RPL3L: variants seen among roughly 807,000 people sequenced by gnomAD.
The protein encoded by RPL3L is ribosomal protein L3 like.
In RPL3L, 44 loss-of-function variants were observed where a neutral mutation model predicts 44.5. The observed-to-expected ratio is 0.99, with a 90% CI of 0.78 to 1.27. The LOEUF is 1.27. RPL3L is among the 50% of genes most tolerant of loss of function. The probability of loss-of-function intolerance (pLI) is 0.00; values close to 1 mark genes in which losing one functional copy is unlikely to be tolerated. For missense variants in RPL3L, 631 were observed against 569.1 expected (o/e 1.11, Z -1.11); for synonymous variants, 292 against 230.7 (o/e 1.27, Z -2.41).
rs1597023613 is a variant in RPL3L, at chr16:1,944,573, C to T, written c.*264G>A. On this transcript the variant is annotated 3_prime_UTR_variant, in exon 10 of 10. Transcript: ENST00000268661. ...AAAAAAAAAAAAAAAACCTCTGCTC[C>T]GCAAATGCTCAAAGAGATCGATTTG... The T allele has an allele frequency of 1.4e-5, 5 of 365,756 alleles. No individual in the cohort carries two copies. Among genetic ancestry groups the T allele is most frequent in the East Asian group, 4.3e-5 (1 of 23,382 alleles). The allele number at this position is 365,756 out of a possible 1,614,324, so 22.7% of individuals were successfully genotyped here.
intron 3 of RPL3L, among the ~76,000 whole-genome samples, 179 bp from the exon 4 acceptor site, chr16:1,951,158 C>G (rs73494196): frequency 1.4e-4 from 21 of 152,134 alleles, no homozygotes; most frequent in African/African-American, 4.6e-4. Context: ...TGTCTCTCCC[C>G]CTCTAGGCCC....
Position 1,944,609 on chromosome 16 carries a change from A to G in RPL3L, c.*228T>C. 1 of 521,172 alleles carries G rather than the reference A, an allele frequency of 1.9e-6. No homozygotes were observed. Among genetic ancestry groups the G allele is most frequent in the East Asian group, 3.0e-5 (1 of 33,634 alleles). The allele number at this position is 521,172 out of a possible 1,614,324, so 32.3% of individuals were successfully genotyped here. A position where few individuals can be genotyped will look rare whatever the true frequency, so the allele number is the denominator to read the frequency against. ...AAAGAGATCGATTTGAGTAATAATAAAACATAAAACTCCGGTCTCCCGCAC... is the reference window on the plus strand; with the variant it reads ...AAAGAGATCGATTTGAGTAATAATAGAACATAAAACTCCGGTCTCCCGCAC... On this transcript the variant is annotated 3_prime_UTR_variant, in exon 10 of 10. Transcript: ENST00000268661.
chr16:1,949,807 G>T (rs541912229), intron 4 of RPL3L, among the ~76,000 whole-genome samples: 2 of 41,986 alleles, frequency 4.8e-5, no homozygotes, highest in Non-Finnish European at 4.1e-5. Flanking sequence ...GGCAGGTATG[G>T]ACGGGGCAGG....
intron 4 of RPL3L, 33 bp from the exon 5 acceptor site, chr16:1,947,413 C>A: frequency 6.6e-7 from 1 of 1,504,026 alleles, no homozygotes; most frequent in South Asian, 1.3e-5. Flanking sequence ...ACGCCACGGC[C>A]CACGGGATCA....
Position 1,954,233 on chromosome 16 carries a change from T to C in RPL3L, c.4-85A>G, listed in dbSNP as rs574373878. The C allele has an allele frequency of 1.2e-3, 1,628 of 1,315,082 alleles. 17 individuals are homozygous for C. The highest frequency in any genetic ancestry group is 2.3e-4 in the Non-Finnish European group (230 of 985,152). The allele number at this position is 1,315,082 out of a possible 1,614,324, so 81.5% of individuals were successfully genotyped here. ...GTCCCAGAACCCATACCTGGAGAAA[T>C]GGACTACAGGCTTCAGACTGAGGCC... On this transcript the variant is annotated intron_variant, in intron 1 of 9. Transcript: ENST00000268661.
chr16:1,944,996 C>G lies in RPL3L; in HGVS notation c.1168-103G>C, dbSNP rs575874785. 2.0e-4 allele frequency: 289 copies of G among 1,419,610 alleles called. No individual in the cohort carries two copies. In the African/African-American group the frequency reaches 3.5e-3, roughly 17 times the overall value. The allele number at this position is 1,419,610 out of a possible 1,614,324, so 87.9% of individuals were successfully genotyped here. On this transcript the variant is annotated intron_variant, in intron 9 of 9. Transcript: ENST00000268661. ...CACTCAGGGCCGGCCCTACTGCCCCCCTAAGGCTGCTTCCTCCCCCACCTT... is the reference window on the plus strand; with the variant it reads ...CACTCAGGGCCGGCCCTACTGCCCCGCTAAGGCTGCTTCCTCCCCCACCTT...
Position 1,952,910 on chromosome 16 carries a change from A to G in RPL3L, c.329T>C (p.Leu110Pro). The change falls in exon 3 of 10, where the codon CTC (leucine) becomes CCC (proline). Residue 110 changes from leucine to proline, a missense_variant. Leu to Pro is a moderately conservative substitution (Grantham distance 98). Transcript: ENST00000268661. ...GAATCGGCGCCGGCACTCATCACTG[A>G]GGTGTTCTGCAAAGATGGTCTTGAA... ...RSFKTIFAEH[L>P]SDECRRRFYK... The G allele has an allele frequency of 1.2e-6, 2 of 1,613,812 alleles. No homozygotes were observed. Among genetic ancestry groups the G allele is most frequent in the Non-Finnish European group, 1.7e-6 (2 of 1,179,964 alleles).
At chr16:1,947,689 C>T (rs1275411035) in intron 4 of RPL3L, among the ~76,000 whole-genome samples, 7 of 152,156 alleles carry the variant, frequency 4.6e-5, no homozygotes, top group Non-Finnish European at 7.3e-5. Context: ...GTGGTCAGGG[C>T]AGAGAGGGCT....
chr16:1,954,612 AC>A lies in RPL3L; in HGVS notation c.3+16del. The A allele has an allele frequency of 6.6e-7, 1 of 1,522,764 alleles. No individual in the cohort carries two copies. The highest frequency in any genetic ancestry group is 1.5e-5 in the African/African-American group (1 of 67,542). The allele number at this position is 1,522,764 out of a possible 1,614,324, so 94.3% of individuals were successfully genotyped here. On this transcript the variant is annotated intron_variant, in intron 1 of 9. Coordinates refer to ENST00000268661, the MANE Select transcript of RPL3L (RefSeq NM_005061.3). ...CCAGCTCCAACCCCAGCCCACCCTC[AC>A]CCTGGTCCCACCAACCATGGTGGCC...
intron 9 of RPL3L, 129 bp downstream of exon 9, chr16:1,945,355 AAAAAATAAAATAAAT>A: frequency 1.3e-6 from 1 of 770,130 alleles, no homozygotes; most frequent in Non-Finnish European, 1.7e-6. Flanking sequence ...ACTCCATCTC[AAAAAATAAAATAAAT>A]AAAAAAAAAA....
chr16:1,954,021 G>T lies in RPL3L; in HGVS notation c.131C>A (p.Thr44Lys), dbSNP rs148367011. 20 of 1,604,292 alleles carry T rather than the reference G, an allele frequency of 1.2e-5. No homozygotes were observed. In the Admixed American group the frequency reaches 3.2e-4, roughly 26 times the overall value. Residue 44 changes from threonine to lysine, a missense_variant, in exon 2 of 10, where the codon ACG becomes AAG. By Grantham distance (78) the Thr-to-Lys change is moderately conservative. Transcript: ENST00000268661. The part of the protein sequence containing the change: ...RDDPSQPVHL[T>K]AFLGYKAGMT... The stretch of plus-strand genomic sequence containing the variant: ...GCCCGCCTTGTAGCCCAGGAAGGCC[G>T]TGAGGTGCACGGGCTGGCTGGGGTC...
chr16:1,949,268 T>C (rs1488580296), intron 4 of RPL3L, among the ~76,000 whole-genome samples: 19 of 130,716 alleles, frequency 1.5e-4, no homozygotes, highest in South Asian at 7.7e-4. Flanking sequence ...TCTTTTTTTT[T>C]TTTTTTTTTT....
chr16:1,946,508 C>T (rs2150861310), intron 7 of RPL3L, 117 bp downstream of exon 7: 1 of 1,071,394 alleles, frequency 9.3e-7, no homozygotes, highest in South Asian at 1.5e-5. Context: ...AGGGAGCGTC[C>T]AGCTGAGGCT....
At chr16:1,947,655 A>G (rs1001298634) in intron 4 of RPL3L, among the ~76,000 whole-genome samples, 2 of 152,160 alleles carry the variant, frequency 1.3e-5, no homozygotes, top group Non-Finnish European at 2.9e-5. Context: ...CTGATGGGCT[A>G]TGGGGGCTGG....
In RPL3L at chr16:1,944,687, G is replaced by T. The variant is rs1391227858; in HGVS notation, c.*150C>A. The T allele has an allele frequency of 8.2e-6, 7 of 852,484 alleles. No homozygotes were observed. Among genetic ancestry groups the T allele is most frequent in the Admixed American group, 8.0e-5 (4 of 49,984 alleles). 52.8% of individuals were successfully genotyped at this position (852,484 alleles called of 1,614,324 possible). On this transcript the variant is annotated 3_prime_UTR_variant, in exon 10 of 10. Transcript: ENST00000268661. Reference sequence around the variant, plus strand: ...TCTATTGCAATTCCCCTGTCTTAATGAATCGGCTTTGTCTAGGCAGCAGGC... The same window carrying T: ...TCTATTGCAATTCCCCTGTCTTAATTAATCGGCTTTGTCTAGGCAGCAGGC...
chr16:1,949,221 G>T (rs1276133445), intron 4 of RPL3L, among the ~76,000 whole-genome samples: 2 of 141,612 alleles, frequency 1.4e-5, no homozygotes, highest in South Asian at 4.5e-4. Context: ...GATCACTGGT[G>T]TAAGCCACTG....
chr16:1,949,380 A>T (rs2083152732), intron 4 of RPL3L, among the ~76,000 whole-genome samples: 1 of 146,390 alleles, frequency 6.8e-6, no homozygotes, highest in South Asian at 2.2e-4. Context: ...CAGTCTCCCA[A>T]GTAGCTGGGA....
intron 4 of RPL3L, among the ~76,000 whole-genome samples, chr16:1,947,696 G>C (rs978523438): frequency 6.6e-6 from 1 of 152,138 alleles, no homozygotes; most frequent in African/African-American, 2.4e-5. Flanking sequence ...GGGCAGAGAG[G>C]GCTTCTCTGA....
intron 4 of RPL3L, among the ~76,000 whole-genome samples, chr16:1,947,979 C>T (rs2083137474): frequency 6.7e-6 from 1 of 149,224 alleles, no homozygotes; most frequent in African/African-American, 2.5e-5. Flanking sequence ...GCTCTATCGC[C>T]CAGGCTGGAG....
Sources: gnomAD v4.1 joint callset for allele counts (sites outside exome capture counted in the v4.1 genomes callset) on GRCh38, gnomAD v4.1.1 for gene constraint, MANE v1.5 for transcripts, NCBI Gene and HGNC (gene_info 2026-07-23, HGNC 2026-07-21) for gene names.